Variants in DCAF6 observed in about 807,000 individuals in gnomAD.
DCAF6 encodes DDB1- and CUL4-associated factor 6.
DCAF6 carries 54 observed loss-of-function variants against 125.1 expected under a neutral mutation model. That is an observed-to-expected ratio of 0.43 (90% CI 0.35 to 0.54). The LOEUF is 0.54. Ranked by LOEUF, DCAF6 falls within the 20% of genes least tolerant of loss-of-function variation. The pLI is 0.01. For missense variants in DCAF6, 934 were observed against 1,161.7 expected (o/e 0.80, Z 2.85); for synonymous variants, 371 against 390.4 (o/e 0.95, Z 0.58).
Position 167,936,822 on chromosome 1 carries a change from G to C in DCAF6, c.-90G>C. 1 of 1,198,466 alleles carries C rather than the reference G, an allele frequency of 8.3e-7. No individual in the cohort carries two copies. The highest frequency in any genetic ancestry group is 1.2e-6 in the Non-Finnish European group (1 of 836,492). 74.2% of individuals were successfully genotyped at this position (1,198,466 alleles called of 1,614,324 possible). A position where few individuals can be genotyped will look rare whatever the true frequency, so the allele number is the denominator to read the frequency against. On this transcript the variant is annotated 5_prime_UTR_variant, in exon 1 of 22. Coordinates refer to ENST00000367840, the MANE Select transcript of DCAF6 (RefSeq NM_001198956.2). ...GAGGCCCGGCGCGCGGATGGTGCCG[G>C]TGCGGCTCGGGTGTTGAAACGGGTG...
the DCAF6 span, among the ~76,000 whole-genome samples, chr1:167,926,301 A>G: frequency 6.6e-6 from 1 of 152,204 alleles, no homozygotes; most frequent in East Asian, 1.9e-4. Flanking sequence ...TGAAAAACCT[A>G]TCTATATTCA....
At chr1:168,040,912 G>T (rs2101762101) in intron 13 of DCAF6, among the ~76,000 whole-genome samples, 1 of 148,530 alleles carries the variant, frequency 6.7e-6, no homozygotes, top group South Asian at 2.1e-4. Flanking sequence ...AACCAAACAG[G>T]CAGAACTTAA....
the DCAF6 span, among the ~76,000 whole-genome samples, chr1:167,897,441 G>C: frequency 5.3e-5 from 8 of 150,352 alleles, no homozygotes; most frequent in Non-Finnish European, 1.2e-4. Flanking sequence ...AGGTTGAAGT[G>C]AGCTGAGATC....
intron 2 of DCAF6, among the ~76,000 whole-genome samples, chr1:167,966,225 C>T (rs1676397079): frequency 6.6e-6 from 1 of 152,174 alleles, no homozygotes; most frequent in Admixed American, 6.5e-5. Context: ...TGCTAAGCTT[C>T]TTACGTGTGG....
At chr1:167,883,637 T>C in the DCAF6 span, 1 of 1,614,146 alleles carries the variant, frequency 6.2e-7, no homozygotes, top group Non-Finnish European at 8.5e-7. Context: ...ATCTGCAAAG[T>C]AGAGAGCAGC....
intron 1 of DCAF6, among the ~76,000 whole-genome samples, chr1:167,941,850 A>G (rs538586683): frequency 6.6e-6 from 1 of 152,312 alleles, no homozygotes; most frequent in African/African-American, 2.4e-5. Context: ...ATAGATATCT[A>G]TTGTGGGATT....
chr1:168,062,934 C>A (rs1209765405), intron 17 of DCAF6, among the ~76,000 whole-genome samples: 1 of 140,856 alleles, frequency 7.1e-6, no homozygotes, highest in Non-Finnish European at 1.5e-5. Context: ...TTTTTTGAGA[C>A]AGAGTCTCGC....
At chr1:167,885,124 T>TC in the DCAF6 span, among the ~76,000 whole-genome samples, 44,616 of 149,216 alleles carry the variant, frequency 0.3, 6,657 homozygotes, top group Middle Eastern at 0.39. Flanking sequence ...CAGATCTCAT[T>TC]TTTTTTATGG....
At chr1:167,865,048 G>A in the DCAF6 span, among the ~76,000 whole-genome samples, 7,950 of 152,192 alleles carry the variant, frequency 0.052, 243 homozygotes, top group South Asian at 0.12. Context: ...AATTATCTGC[G>A]AAAGTCATAG....
chr1:167,920,718 G>T, the DCAF6 span: 1 of 1,314,040 alleles, frequency 7.6e-7, no homozygotes, highest in Non-Finnish European at 1.0e-6. Flanking sequence ...ACATTTTTGA[G>T]ATTTCCGTAA....
At chr1:167,880,419 C>A in the DCAF6 span, 1 of 1,140,604 alleles carries the variant, frequency 8.8e-7, no homozygotes, top group Non-Finnish European at 1.3e-6. Flanking sequence ...CTTTCCTGTT[C>A]CCTGCATGCC....
chr1:167,961,494 G>T (rs1289434548), intron 2 of DCAF6, among the ~76,000 whole-genome samples: 1 of 151,914 alleles, frequency 6.6e-6, no homozygotes, highest in Non-Finnish European at 1.5e-5. Flanking sequence ...GCCCTCCTTT[G>T]CCTCCCAAAA....
intron 1 of DCAF6, among the ~76,000 whole-genome samples, chr1:167,945,424 G>T (rs1672913561): frequency 6.6e-6 from 1 of 152,012 alleles, no homozygotes; most frequent in African/African-American, 2.4e-5. Flanking sequence ...TCCTTGTAGG[G>T]ATTTTACCTC....
chr1:168,056,266 A>T (rs1690769459), intron 17 of DCAF6: 3 of 1,611,150 alleles, frequency 1.9e-6, no homozygotes, highest in Non-Finnish European at 1.7e-6. Flanking sequence ...TTCTCTGTGA[A>T]TTTACGCACC....
At chr1:167,951,956 C>A in intron 2 of DCAF6, 95 bp downstream of exon 2, 4 of 716,614 alleles carry the variant, frequency 5.6e-6, no homozygotes, top group East Asian at 2.7e-5. Flanking sequence ...AGGATTGTGA[C>A]TATAATAAAA....
the DCAF6 span, among the ~76,000 whole-genome samples, chr1:167,890,846 C>T: frequency 3.3e-5 from 5 of 152,146 alleles, no homozygotes; most frequent in East Asian, 3.8e-4. Context: ...CCCATTTTAC[C>T]GATTAGATAA....
chr1:167,941,967 A>G lies in DCAF6; in HGVS notation c.97+4959A>G, dbSNP rs536456177. Reference sequence around the variant, plus strand: ...CCACCAGCAGTATATGAGAGTTCCAATTGCTCCACATTCTCATCAGCATTT... The same window carrying G: ...CCACCAGCAGTATATGAGAGTTCCAGTTGCTCCACATTCTCATCAGCATTT... On this transcript the variant is annotated intron_variant, in intron 1 of 21. Transcript: ENST00000367840. Among the ~76,000 whole-genome samples the G allele has an allele frequency of 1.3e-4, 20 of 152,362 alleles. No homozygotes were observed. The South Asian group carries it at 2.3e-3, about 17-fold the overall frequency.
chr1:167,905,961 T>C, the DCAF6 span, among the ~76,000 whole-genome samples: 19 of 152,320 alleles, frequency 1.2e-4, no homozygotes, highest in Non-Finnish European at 5.9e-5. Context: ...CACCCTTTAC[T>C]TTTTCAGAGC....
chr1:167,919,422 T>C, the DCAF6 span, among the ~76,000 whole-genome samples: 195 of 152,330 alleles, frequency 1.3e-3, 1 homozygote, highest in Non-Finnish European at 2.2e-3. Flanking sequence ...TGATTTCAAA[T>C]ATTTGATCAT....
Sources: gnomAD v4.1 joint callset for allele counts (sites outside exome capture counted in the v4.1 genomes callset) on GRCh38, gnomAD v4.1.1 for gene constraint, MANE v1.5 for transcripts, NCBI Gene and HGNC (gene_info 2026-07-23, HGNC 2026-07-21) for gene names.